The following CDX4 variants were observed in gnomAD, a reference collection of about 807,000 sequenced individuals.
The protein encoded by CDX4 is homeobox protein CDX-4.
In CDX4, 11 loss-of-function variants were observed where a neutral mutation model predicts 14.1. That is an observed-to-expected ratio of 0.78 (90% CI 0.49 to 1.29). The LOEUF is 1.29. Ranked by LOEUF, CDX4 falls within the 50% of genes most tolerant of loss-of-function variation. CDX4 has a pLI of 0.00. For missense variants in CDX4, 257 were observed against 237.4 expected (o/e 1.08, Z -0.54); for synonymous variants, 100 against 93.5 (o/e 1.07, Z -0.40).
chrX:73,454,368 T>A lies in CDX4; in HGVS notation c.649-11T>A. On this transcript the variant is annotated splice_polypyrimidine_tract_variant and intron_variant, in intron 2 of 2. Coordinates refer to ENST00000373514, the MANE Select transcript of CDX4 (RefSeq NM_005193.2). The stretch of plus-strand genomic sequence containing the variant: ...TAACTGCATTCAGTATGTTGCCCCA[T>A]TGTGTTTCAGGTGAAAATCTGGTTT... 1 of 1,162,667 alleles carries A rather than the reference T, an allele frequency of 8.6e-7. No homozygotes were observed. Among genetic ancestry groups the A allele is most frequent in the Non-Finnish European group, 1.2e-6 (1 of 852,872 alleles).
At chrX:73,452,206 T>C (rs1326614674) in intron 1 of CDX4, among the ~76,000 whole-genome samples, 2 of 104,707 alleles carry the variant, frequency 1.9e-5, no homozygotes, top group East Asian at 5.9e-4. Flanking sequence ...CTGAACCAAT[T>C]GGCTGGTGTT....
At position 73,454,437 on chromosome X, in the gene CDX4, T is replaced by C. The variant is rs1332422111; in HGVS notation, c.707T>C (p.Ile236Thr). ...GAGAGAAAGATGATCAAAAAGAAAA[T>C]CTCCCAGTTTGAGAATAGTGGAGGC... ...AKERKMIKKKISQFENSGGSV... is the reference protein window; with the variant it reads ...AKERKMIKKKTSQFENSGGSV... Residue 236 changes from isoleucine to threonine, a missense_variant, in exon 3 of 3, where the codon ATC becomes ACC. Physicochemically the swap from Ile to Thr is moderately conservative, Grantham distance 89. Coordinates refer to ENST00000373514, the MANE Select transcript of CDX4 (RefSeq NM_005193.2). 4 of 1,208,167 alleles carry C rather than the reference T, an allele frequency of 3.3e-6. No homozygotes were observed. The highest frequency in any genetic ancestry group is 2.3e-4 in the Middle Eastern group (1 of 4,347).
Position 73,454,733 on chromosome X carries a change from A to T in CDX4, c.*148A>T, listed in dbSNP as rs2057101537. The stretch of plus-strand genomic sequence containing the variant: ...ATGCACAATGGGTTGAAGATAATTT[A>T]GGGGACTCTTACTTTTAGAAACTAT... On this transcript the variant is annotated 3_prime_UTR_variant, in exon 3 of 3. Coordinates refer to ENST00000373514, the MANE Select transcript of CDX4 (RefSeq NM_005193.2). The T allele has an allele frequency of 2.2e-5, 10 of 447,437 alleles. No homozygotes were observed. Among genetic ancestry groups the T allele is most frequent in the Non-Finnish European group, 3.8e-5 (10 of 260,312 alleles). The allele number at this position is 447,437 out of a possible 1,213,427, so 36.9% of individuals were successfully genotyped here.
intron 1 of CDX4, among the ~76,000 whole-genome samples, chrX:73,451,574 G>A (rs935009710): frequency 2.7e-5 from 3 of 111,096 alleles, no homozygotes; most frequent in African/African-American, 9.8e-5. Flanking sequence ...CAAATAAAGG[G>A]GCCTGGTCTT....
rs759013295 is a variant in CDX4 at position 73,453,602 on chromosome X, A to T, written c.588A>T (p.Arg196Ser). The T allele has an allele frequency of 8.3e-7, 1 of 1,201,186 alleles. No individual in the cohort carries two copies. Among genetic ancestry groups the T allele is most frequent in the South Asian group, 1.8e-5 (1 of 55,892 alleles). ...LELEKEFHCN[R>S]YITIQRKSEL... ...TGGAAAAGGAATTCCATTGCAATAG[A>T]TATATCACCATCCAGAGAAAATCAG... Residue 196 changes from arginine to serine, a missense_variant, in exon 2 of 3, where the codon AGA (arginine) becomes AGT (serine). Arg to Ser is a moderately radical substitution (Grantham distance 110). Coordinates refer to ENST00000373514, the MANE Select transcript of CDX4 (RefSeq NM_005193.2).
chrX:73,449,196 C>A (rs1427654328), intron 1 of CDX4, among the ~76,000 whole-genome samples: 1 of 111,347 alleles, frequency 9.0e-6, no homozygotes, highest in African/African-American at 3.3e-5. Flanking sequence ...ACTCACTAAA[C>A]CCTAACAATC....
intron 1 of CDX4, among the ~76,000 whole-genome samples, chrX:73,451,919 G>A (rs754586667): frequency 6.3e-5 from 7 of 111,539 alleles, no homozygotes; most frequent in Non-Finnish European, 9.4e-5. Flanking sequence ...CATGCCAAAA[G>A]GCAGACTTAC....
intron 1 of CDX4, among the ~76,000 whole-genome samples, chrX:73,448,051 G>A (rs759946459): frequency 8.9e-6 from 1 of 112,353 alleles, no homozygotes; most frequent in Non-Finnish European, 1.9e-5. Context: ...CAAGGATCAG[G>A]ATGCAACCCT....
chrX:73,450,203 T>G (rs2057082863), intron 1 of CDX4, among the ~76,000 whole-genome samples: 1 of 111,563 alleles, frequency 9.0e-6, no homozygotes, highest in Non-Finnish European at 1.9e-5. Context: ...TCAGAAAACA[T>G]TTCATAGCGA....
intron 1 of CDX4, among the ~76,000 whole-genome samples, chrX:73,451,235 A>G (rs1278238745): frequency 9.0e-6 from 1 of 111,483 alleles, no homozygotes; most frequent in Non-Finnish European, 1.9e-5. Context: ...TTACCAGAAA[A>G]TGTCCAAATC....
At chrX:73,448,204 TC>T (rs1425252286) in intron 1 of CDX4, among the ~76,000 whole-genome samples, 1 of 109,669 alleles carries the variant, frequency 9.1e-6, no homozygotes, top group Non-Finnish European at 1.9e-5. Context: ...GCGGGCTGTC[TC>T]CCCCCTCCCC....
chrX:73,449,900 G>A (rs974111806), intron 1 of CDX4, among the ~76,000 whole-genome samples: 10 of 111,235 alleles, frequency 9.0e-5, no homozygotes, highest in African/African-American at 3.3e-4. Context: ...AAAAAATTAA[G>A]CTGATCACCT....
intron 1 of CDX4, among the ~76,000 whole-genome samples, chrX:73,448,032 G>A (rs1212931666): frequency 8.9e-6 from 1 of 112,357 alleles, no homozygotes; most frequent in Admixed American, 9.4e-5. Context: ...CAATGGGTAT[G>A]TTAAGCCACA....
At chrX:73,452,676 A>G (rs1300752247) in intron 1 of CDX4, among the ~76,000 whole-genome samples, 2 of 109,512 alleles carry the variant, frequency 1.8e-5, no homozygotes, top group Non-Finnish European at 1.9e-5. Flanking sequence ...CATAAAAACT[A>G]TTTTTTTTTC....
Position 73,454,599 on chromosome X carries a change from G to T in CDX4, c.*14G>T, listed in dbSNP as rs1371770160. ...GTCTCCGAATGAAAGAAAGCAAAGA[G>T]AAATTTAAAGTGCCCTTTTTTTAGT... On this transcript the variant is annotated 3_prime_UTR_variant, in exon 3 of 3. Coordinates refer to ENST00000373514, the MANE Select transcript of CDX4 (RefSeq NM_005193.2). 2.6e-6 allele frequency: 3 copies of T among 1,156,048 alleles called. No homozygotes were observed. Among genetic ancestry groups the T allele is most frequent in the East Asian group, 3.0e-5 (1 of 33,457 alleles).
At chrX:73,454,255 A>G in intron 2 of CDX4, 124 bp from the exon 3 acceptor site, 1 of 494,576 alleles carries the variant, frequency 2.0e-6, no homozygotes, top group Non-Finnish European at 3.4e-6. Context: ...ATACTTCACA[A>G]GGTCATTGTG....
chrX:73,451,841 T>G lies in CDX4; in HGVS notation c.503-1676T>G, dbSNP rs545223507. 3.6e-5 allele frequency among the ~76,000 whole-genome samples: 4 copies of G among 112,350 alleles called. No individual in the cohort carries two copies. The South Asian group carries it at 1.1e-3, about 31-fold the overall frequency. ...GATACATTTCGATCTCAAGATTTGA[T>G]GTTCTAGAAATAAATTAAATCTCCA... On this transcript the variant is annotated intron_variant, in intron 1 of 2. Coordinates refer to ENST00000373514, the MANE Select transcript of CDX4 (RefSeq NM_005193.2).
chrX:73,451,792 G>C (rs1426159303), intron 1 of CDX4, among the ~76,000 whole-genome samples: 3 of 111,898 alleles, frequency 2.7e-5, no homozygotes, highest in Non-Finnish European at 5.7e-5. Context: ...GATTAAGAAG[G>C]GTTTTAGAAA....
Position 73,447,122 on chromosome X carries a change from C to G in CDX4, c.-132C>G. ...TCGTAAGAAACGTGGGATGGAGTAG[C>G]CTGAGGGGTGCAAAAGAGCTTGCGG... On this transcript the variant is annotated 5_prime_UTR_variant, in exon 1 of 3. Transcript: ENST00000373514. The G allele has an allele frequency of 9.8e-6, 7 of 712,346 alleles. No individual in the cohort carries two copies. The highest frequency in any genetic ancestry group is 1.4e-5 in the Non-Finnish European group (7 of 483,954). 58.7% of individuals were successfully genotyped at this position (712,346 alleles called of 1,213,427 possible). A position where few individuals can be genotyped will look rare whatever the true frequency, so the allele number is the denominator to read the frequency against.
Sources: allele counts gnomAD v4.1 joint callset (sites outside exome capture counted in the v4.1 genomes callset), GRCh38; gene constraint gnomAD v4.1.1; transcripts MANE v1.5; gene names NCBI Gene and HGNC (gene_info 2026-07-23, HGNC 2026-07-21).